The following PLSCR4 variants were observed in gnomAD, a reference collection of about 807,000 sequenced individuals.
The protein encoded by PLSCR4 is Ca(2+)-dependent phospholipid scramblase 4.
A neutral mutation model predicts 36.3 loss-of-function variants in PLSCR4; 25 were observed. The ratio of observed to expected loss-of-function variants is 0.69; its 90% confidence interval spans 0.50 to 0.96. The LOEUF is 0.96. Ranked by LOEUF, PLSCR4 falls within the 40% of genes least tolerant of loss-of-function variation. The probability of loss-of-function intolerance (pLI) is 0.00; values close to 1 mark genes in which losing one functional copy is unlikely to be tolerated. For missense variants in PLSCR4, 408 were observed against 414.7 expected, an observed-to-expected ratio of 0.98 and a Z score of 0.14; for synonymous variants, 122 against 132.9, an observed-to-expected ratio of 0.92 and a Z score of 0.56.
intron 3 of PLSCR4, among the ~76,000 whole-genome samples, chr3:146,210,907 A>G (rs918194648): frequency 1.3e-5 from 2 of 151,946 alleles, no homozygotes; most frequent in African/African-American, 4.8e-5. Flanking sequence ...ACATATAAGT[A>G]CTTAATTCCA....
chr3:146,201,006 C>A, intron 5 of PLSCR4, 29 bp downstream of exon 5: 1 of 1,424,444 alleles, frequency 7.0e-7, no homozygotes, highest in Non-Finnish European at 9.6e-7. Flanking sequence ...GATTAAAATA[C>A]TGCTGAGCAC....
intron 1 of PLSCR4, among the ~76,000 whole-genome samples, chr3:146,230,054 A>T (rs1033945383): frequency 6.6e-6 from 1 of 152,168 alleles, no homozygotes; most frequent in Non-Finnish European, 1.5e-5. Flanking sequence ...GTTGGTCAGA[A>T]GTGTGAGTGG....
intron 8 of PLSCR4, among the ~76,000 whole-genome samples, 160 bp downstream of exon 8, chr3:146,194,964 C>T (rs2033636502): frequency 6.6e-6 from 1 of 152,102 alleles, no homozygotes; most frequent in African/African-American, 2.4e-5. Flanking sequence ...GATGAGGAAA[C>T]TGAGGCTTTC....
At chr3:146,244,827 A>C (rs1176343367) in intron 1 of PLSCR4, among the ~76,000 whole-genome samples, 10 of 152,136 alleles carry the variant, frequency 6.6e-5, no homozygotes, top group Admixed American at 2.0e-4. Context: ...GATTAAGCTT[A>C]ATGAGGAAGG....
At chr3:146,221,018 G>A in intron 2 of PLSCR4, 93 bp from the exon 3 acceptor site, 4 of 676,246 alleles carry the variant, frequency 5.9e-6, no homozygotes, top group East Asian at 2.9e-5. Context: ...AATGCATCAA[G>A]AAATATAATC....
At position 146,206,707 on chromosome 3, in the gene PLSCR4, A is replaced by G. The variant is rs2034350160; in HGVS notation, c.173T>C (p.Met58Thr). The G allele has an allele frequency of 6.2e-7, 1 of 1,611,108 alleles. No homozygotes were observed. The highest frequency in any genetic ancestry group is 8.5e-7 in the Non-Finnish European group (1 of 1,178,426). Reference sequence around the variant, plus strand: ...GGGTTGCTGTGGACTGTAGTATCCCATAGGCAAGCCTCCTGGGTAGCCAGT... The same window carrying G: ...GGGTTGCTGTGGACTGTAGTATCCCGTAGGCAAGCCTCCTGGGTAGCCAGT... ...PPTGYPGGLP[M>T]GYYSPQQPST... The change falls in exon 4 of 9, where the codon ATG becomes ACG. Residue 58 changes from methionine (M) to threonine (T), a missense_variant. Coordinates refer to ENST00000354952, the MANE Select transcript of PLSCR4 (RefSeq NM_020353.3).
chr3:146,246,246 G>GA (rs2036334566), intron 1 of PLSCR4, among the ~76,000 whole-genome samples: 1 of 152,014 alleles, frequency 6.6e-6, no homozygotes, highest in African/African-American at 2.4e-5. Context: ...AATTCTAGAA[G>GA]AAACTTAGGG....
intron 8 of PLSCR4, 41 bp downstream of exon 8, chr3:146,195,083 A>G (rs1330420453): frequency 1.3e-6 from 2 of 1,586,234 alleles, no homozygotes; most frequent in Non-Finnish European, 1.7e-6. Context: ...TCCATCAGAA[A>G]GAACAACTCT....
At chr3:146,203,130 T>C (rs1217165689) in intron 4 of PLSCR4, among the ~76,000 whole-genome samples, 5 of 152,038 alleles carry the variant, frequency 3.3e-5, no homozygotes, top group African/African-American at 4.8e-5. Context: ...CCTTTCCACA[T>C]GGTTTTCAAT....
At chr3:146,242,934 A>G (rs1429615480) in intron 1 of PLSCR4, among the ~76,000 whole-genome samples, 1 of 152,208 alleles carries the variant, frequency 6.6e-6, no homozygotes, top group Non-Finnish European at 1.5e-5. Context: ...TATATTAGCC[A>G]TCTAATGGAT....
intron 3 of PLSCR4, among the ~76,000 whole-genome samples, chr3:146,214,126 T>TAATGGAGGTGTTTATAGCTA (rs1396149660): frequency 4.6e-5 from 2 of 43,144 alleles, no homozygotes; most frequent in Non-Finnish European, 5.6e-5. Flanking sequence ...CCTTTTTTTT[T>TAATGGAGGTGTTTATAGCTA]TTTTTTTTTT....
chr3:146,239,684 G>C (rs1707476), intron 1 of PLSCR4, among the ~76,000 whole-genome samples: 1 of 152,086 alleles, frequency 6.6e-6, no homozygotes, highest in Non-Finnish European at 1.5e-5. Flanking sequence ...GGGAGTTCGA[G>C]ACCAGCCTGA....
At chr3:146,244,472 C>T (rs187128665) in intron 1 of PLSCR4, among the ~76,000 whole-genome samples, 165 of 152,222 alleles carry the variant, frequency 1.1e-3, no homozygotes, top group Non-Finnish European at 1.6e-3. Flanking sequence ...AGCAACTTCT[C>T]AGTTTGTCTC....
intron 1 of PLSCR4, among the ~76,000 whole-genome samples, chr3:146,241,217 G>C (rs2036137533): frequency 1.3e-5 from 2 of 152,066 alleles, no homozygotes; most frequent in Admixed American, 6.6e-5. Context: ...TTTCTTTTTG[G>C]AATTATGAAA....
intron 3 of PLSCR4, 43 bp downstream of exon 3, chr3:146,220,772 G>A (rs1164548081): frequency 1.6e-6 from 2 of 1,232,532 alleles, no homozygotes; most frequent in Non-Finnish European, 2.4e-6. Flanking sequence ...CATTAGTATG[G>A]TTTTTAGCAA....
chr3:146,220,186 C>T (rs1438786792), intron 3 of PLSCR4, among the ~76,000 whole-genome samples: 1 of 152,088 alleles, frequency 6.6e-6, no homozygotes, highest in African/African-American at 2.4e-5. Context: ...TAAACTTGGC[C>T]AAATTGTTTT....
At chr3:146,195,306 TATG>T (rs1380713531) in intron 7 of PLSCR4, 24 bp from the exon 8 acceptor site, 2 of 1,597,706 alleles carry the variant, frequency 1.3e-6, no homozygotes, top group Non-Finnish European at 1.7e-6. Flanking sequence ...AATGTGCCTT[TATG>T]ATGATTGAAA....
chr3:146,209,684 G>C (rs2034523085), intron 3 of PLSCR4, among the ~76,000 whole-genome samples: 1 of 151,914 alleles, frequency 6.6e-6, no homozygotes, highest in African/African-American at 2.4e-5. Flanking sequence ...AAGTTTTTAA[G>C]ATTAATTAAT....
At chr3:146,228,505 G>T (rs1290482126) in intron 1 of PLSCR4, among the ~76,000 whole-genome samples, 1 of 152,042 alleles carries the variant, frequency 6.6e-6, no homozygotes, top group Non-Finnish European at 1.5e-5. Flanking sequence ...TGCCAAAGGG[G>T]TTTTCCTATT....
Sources: gnomAD v4.1 joint callset for allele counts (sites outside exome capture counted in the v4.1 genomes callset) on GRCh38, gnomAD v4.1.1 for gene constraint, MANE v1.5 for transcripts, NCBI Gene and HGNC (gene_info 2026-07-23, HGNC 2026-07-21) for gene names.